The following RBFOX1 variants were observed in gnomAD, a reference collection of about 807,000 sequenced individuals.
RBFOX1 encodes RNA binding fox-1 homolog 1.
In RBFOX1, 8 loss-of-function variants were observed where a neutral mutation model predicts 57.7. The observed-to-expected ratio is 0.14, with a 90% confidence interval of 0.08 to 0.25. RBFOX1 has a LOEUF of 0.25. Among genes scored for constraint, RBFOX1 ranks in the 10% least tolerant of loss-of-function variants. The probability of loss-of-function intolerance (pLI) is 1.00; values close to 1 mark genes in which losing one functional copy is unlikely to be tolerated. For synonymous variants in RBFOX1, 326 were observed against 222.4 expected (o/e 1.47, Z -4.15); for missense variants, 611 against 548.5 (o/e 1.11, Z -1.14).
chr16:7,026,751 G>T (rs1036114930), intron 3 of RBFOX1, among the ~76,000 whole-genome samples: 1 of 152,154 alleles, frequency 6.6e-6, no homozygotes, highest in African/African-American at 2.4e-5. Flanking sequence ...CAATTCCGAG[G>T]CCTCAACTTT....
At chr16:7,511,325 G>A (rs1166548784) in intron 4 of RBFOX1, among the ~76,000 whole-genome samples, 3 of 152,140 alleles carry the variant, frequency 2.0e-5, no homozygotes, top group Admixed American at 6.5e-5. Context: ...AACCACTCAG[G>A]GCAACGAATG....
intron 3 of RBFOX1, among the ~76,000 whole-genome samples, chr16:6,786,565 A>C (rs142525931): frequency 1.4e-3 from 211 of 152,128 alleles, no homozygotes; most frequent in Non-Finnish European, 2.5e-3. Flanking sequence ...AAGCCAAAAA[A>C]CCTCTCCAAA....
chr16:5,754,434 G>T (rs1358878683), intron 3 of RBFOX1, among the ~76,000 whole-genome samples: 1 of 151,578 alleles, frequency 6.6e-6, no homozygotes, highest in East Asian at 1.9e-4. Flanking sequence ...TTCTCGTAAG[G>T]TGGGACGAGA....
chr16:6,307,239 A>G (rs943958554), intron 1 of RBFOX1, among the ~76,000 whole-genome samples: 5 of 152,060 alleles, frequency 3.3e-5, no homozygotes, highest in Non-Finnish European at 5.9e-5. Context: ...GTACATGGTA[A>G]ATACTTGGTG....
chr16:5,442,714 C>G (rs556104151), intron 1 of RBFOX1, among the ~76,000 whole-genome samples: 1 of 152,302 alleles, frequency 6.6e-6, no homozygotes, highest in South Asian at 2.1e-4. Flanking sequence ...GGCCACACAC[C>G]TAGCATTATG....
At chr16:6,878,946 G>T (rs1284737770) in intron 3 of RBFOX1, among the ~76,000 whole-genome samples, 2 of 152,102 alleles carry the variant, frequency 1.3e-5, no homozygotes, top group East Asian at 1.9e-4. Context: ...TATGTTAGGG[G>T]AGGAAATTAA....
chr16:6,837,925 C>T lies in RBFOX1; in HGVS notation c.-16+183275C>T, dbSNP rs560027106. Among the ~76,000 whole-genome samples the T allele has an allele frequency of 3.3e-5, 5 of 151,828 alleles. No individual in the cohort carries two copies. The South Asian group carries it at 8.4e-4, about 25-fold the overall frequency. On this transcript the variant is annotated intron_variant, in intron 3 of 15. Transcript: ENST00000550418. ...TGACAGTTTACTGTCACCATGGCAA[C>T]AGCAGGAAGTTACCACCTCTTTCCA...
At chr16:7,218,984 C>G (rs1468334585) in intron 4 of RBFOX1, among the ~76,000 whole-genome samples, 1 of 152,062 alleles carries the variant, frequency 6.6e-6, no homozygotes, top group Non-Finnish European at 1.5e-5. Flanking sequence ...CAAAAAACTG[C>G]CTGTTACATG....
intron 1 of RBFOX1, among the ~76,000 whole-genome samples, chr16:6,247,229 T>G (rs1260464199): frequency 6.6e-6 from 1 of 152,192 alleles, no homozygotes; most frequent in Non-Finnish European, 1.5e-5. Flanking sequence ...TTCTTCCCCT[T>G]GTCTCCCAGG....
intron 2 of RBFOX1, among the ~76,000 whole-genome samples, chr16:5,584,252 A>G (rs2046761726): frequency 6.6e-6 from 1 of 152,202 alleles, no homozygotes; most frequent in African/African-American, 2.4e-5. Context: ...TCATTTTGCA[A>G]GAGCTTCTGT....
intron 2 of RBFOX1, among the ~76,000 whole-genome samples, chr16:6,447,862 A>G (rs906438103): frequency 3.3e-5 from 5 of 152,296 alleles, no homozygotes; most frequent in South Asian, 4.1e-4. Flanking sequence ...CAGCCGTCCA[A>G]TCGGAGTGAA....
intron 4 of RBFOX1, among the ~76,000 whole-genome samples, chr16:7,375,103 A>G (rs1484910045): frequency 1.3e-5 from 2 of 152,248 alleles, no homozygotes; most frequent in South Asian, 2.1e-4. Flanking sequence ...TGTTTCAGAC[A>G]TTATGCTAGC....
At chr16:7,524,681 A>G (rs1233113976) in intron 5 of RBFOX1, among the ~76,000 whole-genome samples, 3 of 152,234 alleles carry the variant, frequency 2.0e-5, no homozygotes, top group Non-Finnish European at 2.9e-5. Flanking sequence ...CTCTACTGAC[A>G]GGGAAAAGAA....
chr16:5,358,170 C>G (rs1194931590), intron 1 of RBFOX1, among the ~76,000 whole-genome samples: 1 of 152,002 alleles, frequency 6.6e-6, no homozygotes, highest in African/African-American at 2.4e-5. Flanking sequence ...GCTTGCCGTT[C>G]CTTGGGTTAT....
chr16:6,804,328 C>G (rs545195347), intron 3 of RBFOX1, among the ~76,000 whole-genome samples: 9 of 152,128 alleles, frequency 5.9e-5, no homozygotes, highest in African/African-American at 1.9e-4. Flanking sequence ...AATTTTAACT[C>G]CAGGGTAAAT....
At chr16:7,267,139 G>A (rs575417608) in intron 4 of RBFOX1, among the ~76,000 whole-genome samples, 154 of 152,316 alleles carry the variant, frequency 1.0e-3, no homozygotes, top group Non-Finnish European at 1.5e-3. Flanking sequence ...GCTGGGCACA[G>A]TGTGGCTTAT....
intron 1 of RBFOX1, among the ~76,000 whole-genome samples, chr16:5,251,398 C>T (rs112003298): frequency 3.3e-5 from 5 of 152,370 alleles, no homozygotes; most frequent in African/African-American, 1.2e-4. Context: ...TGGGGCAGGG[C>T]TGTTGCTGAT....
chr16:5,766,994 T>C (rs1379751178), intron 3 of RBFOX1, among the ~76,000 whole-genome samples: 5 of 152,238 alleles, frequency 3.3e-5, no homozygotes, highest in African/African-American at 1.2e-4. Flanking sequence ...GGGTTTTCTG[T>C]ATCTGTTAGT....
chr16:6,758,319 A>C (rs531626902), intron 3 of RBFOX1, among the ~76,000 whole-genome samples: 3 of 152,180 alleles, frequency 2.0e-5, no homozygotes, highest in African/African-American at 7.2e-5. Flanking sequence ...ATTTTCCCCC[A>C]AGCATATGTA....
Sources: gnomAD v4.1 joint callset for allele counts (sites outside exome capture counted in the v4.1 genomes callset) on GRCh38, gnomAD v4.1.1 for gene constraint, MANE v1.5 for transcripts, NCBI Gene and HGNC (gene_info 2026-07-23, HGNC 2026-07-21) for gene names.